KLF8: variants seen among roughly 807,000 people sequenced by gnomAD.
The protein encoded by KLF8 is KLF transcription factor 8, also known as Krueppel-like factor 8.
KLF8 carries 10 observed loss-of-function variants against 18.2 expected under a neutral mutation model. The observed-to-expected ratio is 0.55, with a 90% CI of 0.34 to 0.93. The LOEUF (loss-of-function observed/expected upper bound fraction) is 0.93. Among genes scored for constraint, KLF8 ranks in the 40% least tolerant of loss-of-function variants. The probability of loss-of-function intolerance (pLI) is 0.02; values close to 1 mark genes in which losing one functional copy is unlikely to be tolerated. For missense variants in KLF8, 264 were observed against 277.9 expected (o/e 0.95, Z 0.36); for synonymous variants, 109 against 97.3 (o/e 1.12, Z -0.71).
the KLF8 span, among the ~76,000 whole-genome samples, chrX:56,022,551 C>CAAAAAAAAAAAAA: frequency 7.3e-5 from 2 of 27,303 alleles, no homozygotes; most frequent in African/African-American, 1.0e-4. Flanking sequence ...TCTGTCTGAC[C>CAAAAAAAAAAAAA]AAAAAAAAAA....
chrX:56,277,093 C>T, intron 5 of KLF8, among the ~76,000 whole-genome samples: 2 of 111,994 alleles, frequency 1.8e-5, no homozygotes, highest in Middle Eastern at 9.3e-3. Context: ...TTCTTTGAGT[C>T]TCCTCAAAAC....
chrX:56,155,050 T>C, the KLF8 span, among the ~76,000 whole-genome samples: 1 of 111,962 alleles, frequency 8.9e-6, no homozygotes, highest in Admixed American at 9.5e-5. Context: ...AGTGTGGGGA[T>C]TCCTCAGGGA....
the KLF8 span, among the ~76,000 whole-genome samples, chrX:56,041,526 G>T: frequency 9.3e-6 from 1 of 107,728 alleles, no homozygotes; most frequent in Non-Finnish European, 1.9e-5. Flanking sequence ...TTTTTGAATG[G>T]TTTTTCATGT....
chrX:56,096,299 G>A, the KLF8 span, among the ~76,000 whole-genome samples: 1 of 111,002 alleles, frequency 9.0e-6, no homozygotes, highest in East Asian at 2.8e-4. Context: ...CAAAATATGC[G>A]AGGGTAGGAG....
intron 2 of KLF8, among the ~76,000 whole-genome samples, chrX:56,253,582 T>C (rs778438287): frequency 1.8e-5 from 2 of 110,425 alleles, no homozygotes; most frequent in Non-Finnish European, 3.8e-5. Flanking sequence ...TTTGTTTTCA[T>C]GCCAATACAA....
the KLF8 span, among the ~76,000 whole-genome samples, chrX:55,984,885 T>A: frequency 8.9e-6 from 1 of 111,756 alleles, no homozygotes; most frequent in Non-Finnish European, 1.9e-5. Context: ...ATGTTGAGAT[T>A]TTTTTTCATA....
At chrX:56,050,669 AG>A in the KLF8 span, among the ~76,000 whole-genome samples, 1 of 112,116 alleles carries the variant, frequency 8.9e-6, no homozygotes, top group African/African-American at 3.2e-5. Flanking sequence ...ACATTTGCTG[AG>A]GAGAGATTTA....
At chrX:56,085,848 C>T in the KLF8 span, among the ~76,000 whole-genome samples, 5 of 111,833 alleles carry the variant, frequency 4.5e-5, no homozygotes, top group African/African-American at 1.6e-4. Context: ...AACTTAACTC[C>T]CAGCCATGGC....
At chrX:56,159,786 T>G in the KLF8 span, among the ~76,000 whole-genome samples, 1 of 111,533 alleles carries the variant, frequency 9.0e-6, no homozygotes, top group East Asian at 2.8e-4. Context: ...CTTTTCTTCT[T>G]TATTAGTCTT....
At chrX:55,927,585 G>A in the KLF8 span, among the ~76,000 whole-genome samples, 3 of 111,984 alleles carry the variant, frequency 2.7e-5, no homozygotes, top group Admixed American at 9.5e-5. Context: ...ATTATCAGAT[G>A]TCAGACCTAT....
chrX:56,210,713 G>C, the KLF8 span, among the ~76,000 whole-genome samples: 4 of 109,244 alleles, frequency 3.7e-5, no homozygotes, highest in Non-Finnish European at 7.6e-5. Context: ...CCTGAGGCAT[G>C]TTTCATTTTT....
the KLF8 span, among the ~76,000 whole-genome samples, chrX:56,053,991 C>G: frequency 9.0e-6 from 1 of 111,054 alleles, no homozygotes; most frequent in Non-Finnish European, 1.9e-5. Flanking sequence ...TTTCATATCT[C>G]TATCTTCTTT....
At chrX:56,213,152 T>G in the KLF8 span, among the ~76,000 whole-genome samples, 1 of 110,312 alleles carries the variant, frequency 9.1e-6, no homozygotes, top group Admixed American at 9.6e-5. Context: ...CTTTATGGTA[T>G]AGTGAAACAT....
the KLF8 span, among the ~76,000 whole-genome samples, chrX:56,104,884 A>G: frequency 9.0e-6 from 1 of 111,699 alleles, no homozygotes; most frequent in African/African-American, 3.3e-5. Context: ...ACACTGCTTT[A>G]AATGTGTCCC....
chrX:55,937,638 C>T, the KLF8 span, among the ~76,000 whole-genome samples: 3 of 111,706 alleles, frequency 2.7e-5, no homozygotes, highest in South Asian at 7.5e-4. Context: ...AAAAATTAGA[C>T]AAACGACTAA....
chrX:55,945,794 C>T, the KLF8 span, among the ~76,000 whole-genome samples: 1 of 111,171 alleles, frequency 9.0e-6, no homozygotes. Context: ...AGCAAAGTCT[C>T]AGGATAAAAA....
chrX:56,050,986 C>T, the KLF8 span, among the ~76,000 whole-genome samples: 3 of 109,869 alleles, frequency 2.7e-5, no homozygotes, highest in African/African-American at 6.6e-5. Flanking sequence ...GGATAGTTAG[C>T]TGTTCTTGTT....
chrX:56,093,778 G>A, the KLF8 span, among the ~76,000 whole-genome samples: 4 of 110,495 alleles, frequency 3.6e-5, no homozygotes, highest in Non-Finnish European at 1.9e-5. Flanking sequence ...GTACAATAAT[G>A]TTATAAAGGA....
At chrX:56,040,800 CTTTTTTTTTTTTTTTTTTTTT>C in the KLF8 span, among the ~76,000 whole-genome samples, 12 of 6,027 alleles carry the variant, frequency 2.0e-3, no homozygotes, top group East Asian at 0.014. Context: ...ATGATACCAG[CTTTTTTTTTTTTTTTTTTTTT>C]TTTTTTTTTT....
Sources: allele counts gnomAD v4.1 joint callset (sites outside exome capture counted in the v4.1 genomes callset), GRCh38; gene constraint gnomAD v4.1.1; transcripts MANE v1.5; gene names NCBI Gene and HGNC (gene_info 2026-07-23, HGNC 2026-07-21).